The following LRRK2 variants were observed in gnomAD, a reference collection of about 807,000 sequenced individuals.
LRRK2 encodes leucine-rich repeat serine/threonine-protein kinase 2.
In LRRK2, 203 loss-of-function variants were observed where a neutral mutation model predicts 302.6. The observed-to-expected ratio is 0.67, with a 90% CI of 0.60 to 0.75. The LOEUF (loss-of-function observed/expected upper bound fraction) is 0.75, where lower values mean the gene tolerates loss of function less well. Ranked by LOEUF, LRRK2 falls within the 30% of genes least tolerant of loss-of-function variation. LRRK2 has a pLI of 0.00. For missense variants in LRRK2, 2,830 were observed against 2,951.0 expected, an observed-to-expected ratio of 0.96 and a Z score of 0.95; for synonymous variants, 1,066 against 1,031.9, an observed-to-expected ratio of 1.03 and a Z score of -0.63.
In LRRK2 at chr12:40,277,969, A is replaced by G. The variant is rs1326037380; in HGVS notation, c.2023A>G (p.Ile675Val). The change falls in exon 17 of 51, where the codon ATA becomes GTA. Residue 675 changes from isoleucine to valine, a missense_variant. Ile to Val is a conservative substitution (Grantham distance 29). Transcript: ENST00000298910. Reference protein sequence around the residue: ...LLVHHSFDLVIFHQMSSNIME... With the variant: ...LLVHHSFDLVVFHQMSSNIME... ...GGTGCATCATTCATTTGACTTAGTA[A>G]TATTCCATCAAATGTCTTCCAATAT... 1.2e-6 allele frequency: 2 copies of G among 1,613,420 alleles called. No individual in the cohort carries two copies. Among genetic ancestry groups the G allele is most frequent in the Non-Finnish European group, 1.7e-6 (2 of 1,179,798 alleles).
intron 30 of LRRK2, among the ~76,000 whole-genome samples, chr12:40,309,851 C>T (rs1045246921): frequency 2.0e-5 from 3 of 152,134 alleles, no homozygotes; most frequent in African/African-American, 7.2e-5. Flanking sequence ...GGACATTTAA[C>T]CATGTAATTG....
In LRRK2 at chr12:40,303,622, G is replaced by C. The variant is rs1218603261; in HGVS notation, c.3591-326G>C. On this transcript the variant is annotated intron_variant, in intron 26 of 50. Transcript: ENST00000298910. ...GAGAGTGTTACACAAACCTATAATA[G>C]CTAAATTACGTCTAGCTTTAGAATG... Among the ~76,000 whole-genome samples, 3 of 151,956 alleles carry C rather than the reference G, an allele frequency of 2.0e-5. No individual in the cohort carries two copies. In the East Asian group the frequency reaches 5.8e-4, roughly 29 times the overall value.
At chr12:40,271,571 A>G (rs1943233221) in intron 14 of LRRK2, among the ~76,000 whole-genome samples, 1 of 152,142 alleles carries the variant, frequency 6.6e-6, no homozygotes, top group South Asian at 2.1e-4. Flanking sequence ...ACACTGATAA[A>G]TTGATTTTAA....
At chr12:40,314,267 G>A (rs764211708) in intron 32 of LRRK2, 94 bp downstream of exon 32, 30 of 1,286,976 alleles carry the variant, frequency 2.3e-5, no homozygotes, top group Non-Finnish European at 3.3e-5. Context: ...TCAAAGTTGA[G>A]AGAATATCCA....
At position 40,328,351 on chromosome 12, in the gene LRRK2, T is replaced by C. The variant is rs201705389; in HGVS notation, c.5657-9T>C. On this transcript the variant is annotated splice_polypyrimidine_tract_variant and intron_variant, in intron 38 of 50. Coordinates refer to ENST00000298910, the MANE Select transcript of LRRK2 (RefSeq NM_198578.4). ...TTAATTTAAGTGCTTTGTATTTTCTTTTCAAAAGGTGATGGCAGTTTTGGA... is the reference window on the plus strand; with the variant it reads ...TTAATTTAAGTGCTTTGTATTTTCTCTTCAAAAGGTGATGGCAGTTTTGGA... 3.1e-5 allele frequency: 50 copies of C among 1,611,732 alleles called. No homozygotes were observed. The highest frequency in any genetic ancestry group is 3.3e-5 in the Admixed American group (2 of 60,000).
At chr12:40,281,067 C>CAA (rs370464332) in intron 18 of LRRK2, among the ~76,000 whole-genome samples, 2,843 of 129,126 alleles carry the variant, frequency 0.022, 91 homozygotes, top group African/African-American at 0.074. Context: ...GACTCCGTCT[C>CAA]AAAAAAAAAA....
At chr12:40,259,698 A>G (rs1942685112) in intron 13 of LRRK2, 94 bp downstream of exon 13, 3 of 1,485,456 alleles carry the variant, frequency 2.0e-6, no homozygotes, top group Non-Finnish European at 1.9e-6. Flanking sequence ...ATATTAAAAG[A>G]CTAGTTTCTG....
rs192990411 is a variant in LRRK2 at position 40,314,280 on chromosome 12, C to T, written c.4738+107C>T. 163 of 1,163,264 alleles carry T rather than the reference C, an allele frequency of 1.4e-4. 1 individual carries two copies. In the Admixed American group the frequency reaches 2.5e-3, roughly 18 times the overall value. The allele number at this position is 1,163,264 out of a possible 1,614,324, so 72.1% of individuals were successfully genotyped here. ...ATTCAAAGTTGAGAGAATATCCATACGGTTCTTTAATAGGCCACTGATTTT... is the reference window on the plus strand; with the variant it reads ...ATTCAAAGTTGAGAGAATATCCATATGGTTCTTTAATAGGCCACTGATTTT... On this transcript the variant is annotated intron_variant, in intron 32 of 50. Coordinates refer to ENST00000298910, the MANE Select transcript of LRRK2 (RefSeq NM_198578.4).
rs775837662 is a variant in LRRK2, at chr12:40,322,322, G to A, written c.5321G>A (p.Cys1774Tyr). Residue 1774 changes from cysteine (C) to tyrosine (Y), a missense_variant, in exon 37 of 51, where the codon TGT (cysteine) becomes TAT (tyrosine). Transcript: ENST00000298910. ...KITVPSCRKG[C>Y]ILLGQVVDHI... Reference sequence around the variant, plus strand: ...AGCTCTGTTTTGAATCATGTAGGCTGTATTCTTTTGGGCCAAGTTGTGGAC... The same window carrying A: ...AGCTCTGTTTTGAATCATGTAGGCTATATTCTTTTGGGCCAAGTTGTGGAC... 2 of 1,613,532 alleles carry A rather than the reference G, an allele frequency of 1.2e-6. No individual in the cohort carries two copies. The highest frequency in any genetic ancestry group is 4.5e-5 in the East Asian group (2 of 44,836).
chr12:40,342,380 G>A (rs1464778369), intron 41 of LRRK2, among the ~76,000 whole-genome samples: 1 of 151,992 alleles, frequency 6.6e-6, no homozygotes, highest in African/African-American at 2.4e-5. Context: ...ATATTGAATG[G>A]TGGTAACATA....
chr12:40,323,390 T>G (rs1381284938), intron 38 of LRRK2, 84 bp downstream of exon 38: 3 of 1,173,982 alleles, frequency 2.6e-6, no homozygotes, highest in Non-Finnish European at 3.7e-6. Flanking sequence ...ATAATTATAT[T>G]GTCATAGATT....
chr12:40,274,251 A>G (rs1166452979), intron 14 of LRRK2, among the ~76,000 whole-genome samples: 1 of 152,184 alleles, frequency 6.6e-6, no homozygotes, highest in Admixed American at 6.6e-5. Flanking sequence ...GTTTGTGTAG[A>G]CTTTGAGAAT....
At chr12:40,367,334 A>G (rs914614880) in intron 50 of LRRK2, 17 of 455,056 alleles carry the variant, frequency 3.7e-5, no homozygotes, top group Admixed American at 7.9e-5. Context: ...AATATTTTTT[A>G]CAACTTATCT....
rs200014848 is a variant in LRRK2 at position 40,309,161 on chromosome 12, C to T, written c.4245C>T (p.Tyr1415=). 2 of 1,613,682 alleles carry T rather than the reference C, an allele frequency of 1.2e-6. No homozygotes were observed. The change falls in exon 30 of 51, where the codon TAC becomes TAT. Residue 1415 remains tyrosine (Y), a synonymous_variant. Coordinates refer to ENST00000298910, the MANE Select transcript of LRRK2 (RefSeq NM_198578.4). ...ATTTTATGACGCAGCGAGCATTGTACCTTGCTGTCTATGACCTCAGCAAGG... is the reference window on the plus strand; with the variant it reads ...ATTTTATGACGCAGCGAGCATTGTATCTTGCTGTCTATGACCTCAGCAAGG... ...HPHFMTQRAL[Y]LAVYDLSKGQ...
intron 11 of LRRK2, among the ~76,000 whole-genome samples, chr12:40,255,493 T>C (rs767500656): frequency 6.6e-6 from 1 of 152,224 alleles, no homozygotes; most frequent in Non-Finnish European, 1.5e-5. Context: ...AATTTCTTCT[T>C]CTAGGTTTAT....
intron 45 of LRRK2, among the ~76,000 whole-genome samples, 160 bp downstream of exon 45, chr12:40,354,652 G>A (rs544650011): frequency 2.6e-5 from 4 of 152,276 alleles, no homozygotes; most frequent in Admixed American, 1.3e-4. Flanking sequence ...AGAGATATTT[G>A]TTGTTTTTCT....
rs1365816187 is a variant in LRRK2 at position 40,367,198 on chromosome 12, G to A, written c.7462+121G>A. ...ATGGTATAATCAGGAATTTTAATTGGTAGTTTATAGTGTAAAGAACTTAGA... is the reference window on the plus strand; with the variant it reads ...ATGGTATAATCAGGAATTTTAATTGATAGTTTATAGTGTAAAGAACTTAGA... On this transcript the variant is annotated intron_variant, in intron 50 of 50. Transcript: ENST00000298910. 6.1e-6 allele frequency: 5 copies of A among 826,206 alleles called. No individual in the cohort carries two copies. The African/African-American group carries it at 8.7e-5, about 14-fold the overall frequency. The allele number at this position is 826,206 out of a possible 1,614,324, so 51.2% of individuals were successfully genotyped here.
chr12:40,363,507 G>C lies in LRRK2; in HGVS notation c.7134G>C (p.Lys2378Asn). The C allele has an allele frequency of 6.2e-7, 1 of 1,612,020 alleles. No homozygotes were observed. The highest frequency in any genetic ancestry group is 8.5e-7 in the Non-Finnish European group (1 of 1,178,670). ...GCCCTGTTGTGGAAGTGTGGGATAA[G>C]AAAACTGAAAAACTCTGTGGACTAA... is the stretch of plus-strand genomic sequence containing the variant. ...QNSPVVEVWD[K>N]KTEKLCGLID... The change falls in exon 48 of 51, where the codon AAG (lysine) becomes AAC (asparagine). Residue 2378 changes from lysine to asparagine, a missense_variant. Lys to Asn is a moderately conservative substitution (Grantham distance 94). This residue lies in a region of LRRK2 where 456 missense variants were observed against 456.3 expected (regional missense o/e 1.00). Coordinates refer to ENST00000298910, the MANE Select transcript of LRRK2 (RefSeq NM_198578.4).
chr12:40,314,221 A>G (rs751987730), intron 32 of LRRK2, 48 bp downstream of exon 32: 2 of 1,544,910 alleles, frequency 1.3e-6, no homozygotes, highest in African/African-American at 2.7e-5. Context: ...GTAGTAACTT[A>G]TAAAAGTGTT....
Sources: allele counts gnomAD v4.1 joint callset (sites outside exome capture counted in the v4.1 genomes callset), GRCh38; gene constraint gnomAD v4.1.1; regional missense constraint gnomAD v4.1.1; transcripts MANE v1.5; gene names NCBI Gene and HGNC (gene_info 2026-07-23, HGNC 2026-07-21).